The following CPT1A variants were observed in gnomAD, a reference collection of about 807,000 sequenced individuals.
CPT1A encodes the protein carnitine palmitoyltransferase 1A.
In CPT1A, 64 loss-of-function variants were observed where a neutral mutation model predicts 100.8. The observed-to-expected ratio is 0.63, with a 90% CI of 0.52 to 0.78. The LOEUF is 0.78. Ranked by LOEUF, CPT1A falls within the 30% of genes least tolerant of loss-of-function variation. The probability of loss-of-function intolerance (pLI) is 0.00; values close to 1 mark genes in which losing one functional copy is unlikely to be tolerated. For missense variants in CPT1A, 802 were observed against 1,034.1 expected (o/e 0.78, Z 3.08); for synonymous variants, 363 against 396.0 (o/e 0.92, Z 0.99).
intron 2 of CPT1A, among the ~76,000 whole-genome samples, chr11:68,812,980 A>T (rs574708950): frequency 1.3e-5 from 2 of 152,056 alleles, no homozygotes; most frequent in Admixed American, 1.3e-4. Context: ...CCCCTGTGTC[A>T]GAAGGGCTGC....
In CPT1A at chr11:68,797,963, C is replaced by T. The variant is rs532829697; in HGVS notation, c.694-1030G>A. On this transcript the variant is annotated intron_variant, in intron 6 of 18. Transcript: ENST00000265641. The stretch of plus-strand genomic sequence containing the variant: ...ACTGCACTCCAGCCTGGGTGACGAG[C>T]GAGACTTTGTCTCAGAAACTAAAGA... Among the ~76,000 whole-genome samples, 44 of 152,208 alleles carry T rather than the reference C, an allele frequency of 2.9e-4. 1 individual carries two copies. The highest frequency in any genetic ancestry group is 2.3e-3 in the Admixed American group (35 of 15,268).
chr11:68,759,731 T>C (rs1258494726), intron 17 of CPT1A, 70 bp from the exon 18 acceptor site: 4 of 1,161,164 alleles, frequency 3.4e-6, no homozygotes, highest in Non-Finnish European at 5.2e-6. Context: ...TTTCTAATGT[T>C]CTAAATGCAA....
chr11:68,771,647 G>A (rs1854993421), intron 14 of CPT1A, among the ~76,000 whole-genome samples: 2 of 152,238 alleles, frequency 1.3e-5, no homozygotes, highest in Admixed American at 1.3e-4. Context: ...AACTGTGACA[G>A]TCTTTACAGA....
At chr11:68,840,632 C>T (rs963706945) in intron 1 of CPT1A, among the ~76,000 whole-genome samples, 2 of 152,252 alleles carry the variant, frequency 1.3e-5, no homozygotes, top group African/African-American at 4.8e-5. Context: ...GGATTTTTAA[C>T]TCTCTGAGTT....
At chr11:68,815,810 G>A (rs1390611279) in intron 1 of CPT1A, among the ~76,000 whole-genome samples, 1 of 137,470 alleles carries the variant, frequency 7.3e-6, no homozygotes, top group Admixed American at 7.4e-5. Context: ...CTCAACTCTG[G>A]CCCTGGACGT....
At chr11:68,773,146 G>A in intron 14 of CPT1A, 119 bp downstream of exon 14, 1 of 1,540,476 alleles carries the variant, frequency 6.5e-7, no homozygotes, top group African/African-American at 1.4e-5. Flanking sequence ...GGGTCGGGGG[G>A]AGCTGTGCTT....
At chr11:68,792,858 G>A (rs1050635687) in intron 9 of CPT1A, among the ~76,000 whole-genome samples, 1 of 152,148 alleles carries the variant, frequency 6.6e-6, no homozygotes, top group African/African-American at 2.4e-5. Flanking sequence ...AGATCAGCCT[G>A]GGCAACACGG....
chr11:68,804,538 T>A (rs544326706), intron 4 of CPT1A, among the ~76,000 whole-genome samples: 2 of 151,874 alleles, frequency 1.3e-5, no homozygotes, highest in African/African-American at 4.8e-5. Context: ...CAGTGAGCCA[T>A]GATCATACCA....
At chr11:68,764,228 C>G (rs372791241) in intron 14 of CPT1A, among the ~76,000 whole-genome samples, 1 of 152,306 alleles carries the variant, frequency 6.6e-6, no homozygotes, top group African/African-American at 2.4e-5. Flanking sequence ...CCGGGGCCAC[C>G]AGGCCAGCTC....
Position 68,759,567 on chromosome 11 carries a change from A to G in CPT1A, c.2235+2T>C. 5 of 1,597,138 alleles carry G rather than the reference A, an allele frequency of 3.1e-6. No homozygotes were observed. Among genetic ancestry groups the G allele is most frequent in the Non-Finnish European group, 4.3e-6 (5 of 1,164,612 alleles). On this transcript the variant is annotated splice_donor_variant, in intron 18 of 18. Transcript: ENST00000265641. LOFTEE classifies it high-confidence loss of function. ...GAAAAAGGAACTTCTTTTCATACATACCGTCTCAGGGCAAGAGAACTTGGA... is the reference window on the plus strand; with the variant it reads ...GAAAAAGGAACTTCTTTTCATACATGCCGTCTCAGGGCAAGAGAACTTGGA...
chr11:68,778,588 C>T lies in CPT1A; in HGVS notation c.1458+2052G>A, dbSNP rs180697543. Among the ~76,000 whole-genome samples the T allele has an allele frequency of 1.5e-4, 23 of 151,554 alleles. No individual in the cohort carries two copies. The East Asian group carries it at 4.4e-3, about 29-fold the overall frequency. On this transcript the variant is annotated intron_variant, in intron 12 of 18. Coordinates refer to ENST00000265641, the MANE Select transcript of CPT1A (RefSeq NM_001876.4). Reference sequence around the variant, plus strand: ...GCATGTGCCTATAATCCCAGCTACTCGGGAGGCTGAGGCAGGAGAATCACT... The same window carrying T: ...GCATGTGCCTATAATCCCAGCTACTTGGGAGGCTGAGGCAGGAGAATCACT...
Position 68,755,061 on chromosome 11 carries a change from T to C in CPT1A, c.*2583A>G, listed in dbSNP as rs1357161700. 3.6e-6 allele frequency: 2 copies of C among 558,178 alleles called. No individual in the cohort carries two copies. Among genetic ancestry groups the C allele is most frequent in the Non-Finnish European group, 6.4e-6 (2 of 312,168 alleles). 34.6% of individuals were successfully genotyped at this position (558,178 alleles called of 1,614,324 possible). A position where few individuals can be genotyped will look rare whatever the true frequency, so the allele number is the denominator to read the frequency against. On this transcript the variant is annotated 3_prime_UTR_variant, in exon 19 of 19. Transcript: ENST00000265641. Reference sequence around the variant, plus strand: ...TCCAATTAAATTAAACAGATAATACTCTTATCACCCCCCTTGGACATGTAC... The same window carrying C: ...TCCAATTAAATTAAACAGATAATACCCTTATCACCCCCCTTGGACATGTAC...
At chr11:68,763,857 G>C (rs1270830432) in intron 14 of CPT1A, among the ~76,000 whole-genome samples, 1 of 152,190 alleles carries the variant, frequency 6.6e-6, no homozygotes, top group Non-Finnish European at 1.5e-5. Context: ...AATCACAGCA[G>C]CTGGAGAGCT....
intron 9 of CPT1A, among the ~76,000 whole-genome samples, chr11:68,792,153 C>T (rs905442300): frequency 4.0e-5 from 6 of 151,866 alleles, no homozygotes; most frequent in African/African-American, 7.3e-5. Context: ...CTGGCTAACA[C>T]GGTGAAACTC....
intron 1 of CPT1A, among the ~76,000 whole-genome samples, chr11:68,824,955 C>T (rs542893411): frequency 1.3e-5 from 2 of 152,226 alleles, no homozygotes; most frequent in Admixed American, 6.5e-5. Flanking sequence ...CCCGACACTG[C>T]ACCCAGCTGA....
At chr11:68,760,963 G>A (rs1946796864) in intron 16 of CPT1A, among the ~76,000 whole-genome samples, 1 of 151,992 alleles carries the variant, frequency 6.6e-6, no homozygotes, top group Non-Finnish European at 1.5e-5. Flanking sequence ...GGAGGTTTCA[G>A]TGAGCCAAGA....
chr11:68,833,628 G>T (rs1856936426), intron 1 of CPT1A, among the ~76,000 whole-genome samples: 1 of 152,122 alleles, frequency 6.6e-6, no homozygotes, highest in Non-Finnish European at 1.5e-5. Context: ...TGTGGTGGTG[G>T]GCACCTGTAG....
chr11:68,833,866 T>A lies in CPT1A; in HGVS notation c.-14+7909A>T, dbSNP rs11821979. Among the ~76,000 whole-genome samples the A allele has an allele frequency of 1.8e-3, 270 of 152,328 alleles. 1 individual carries two copies. The highest frequency in any genetic ancestry group is 5.8e-3 in the African/African-American group (242 of 41,578). On this transcript the variant is annotated intron_variant, in intron 1 of 18. Coordinates refer to ENST00000265641, the MANE Select transcript of CPT1A (RefSeq NM_001876.4). Reference sequence around the variant, plus strand: ...AAGGTGAAGGATTTTCATTATTATTTTTTTTTTATAAGACAGGGTCTTGTT... The same window carrying A: ...AAGGTGAAGGATTTTCATTATTATTATTTTTTTATAAGACAGGGTCTTGTT...
intron 14 of CPT1A, among the ~76,000 whole-genome samples, chr11:68,764,690 T>C (rs968788766): frequency 1.6e-4 from 25 of 152,022 alleles, no homozygotes; most frequent in Non-Finnish European, 3.4e-4. Context: ...AGGAGGCCCC[T>C]GAAAGGCAGA....
Sources: allele counts gnomAD v4.1 joint callset (sites outside exome capture counted in the v4.1 genomes callset), GRCh38; gene constraint gnomAD v4.1.1; transcripts MANE v1.5; gene names NCBI Gene and HGNC (gene_info 2026-07-23, HGNC 2026-07-21).